Variants in SH2D4B observed in about 807,000 individuals in gnomAD.
SH2D4B encodes SH2 domain-containing protein 4B.
A neutral mutation model predicts 61.5 loss-of-function variants in SH2D4B; 45 were observed. The ratio of observed to expected loss-of-function variants is 0.73; its 90% CI spans 0.58 to 0.94. The LOEUF (loss-of-function observed/expected upper bound fraction) is 0.94, where lower values mean the gene tolerates loss of function less well. SH2D4B is among the 40% of genes least tolerant of loss of function. The pLI is 0.00. For missense variants in SH2D4B, 572 were observed against 574.2 expected, an observed-to-expected ratio of 1.00 and a Z score of 0.04; for synonymous variants, 224 against 220.4, an observed-to-expected ratio of 1.02 and a Z score of -0.14.
At chr10:80,637,294 C>G (rs1348964699) in intron 7 of SH2D4B, among the ~76,000 whole-genome samples, 2 of 152,208 alleles carry the variant, frequency 1.3e-5, no homozygotes, top group African/African-American at 4.8e-5. Flanking sequence ...TCCATATGAA[C>G]TTTAAAGTGG....
chr10:80,639,179 A>G (rs1176200531), intron 7 of SH2D4B, among the ~76,000 whole-genome samples: 1 of 152,054 alleles, frequency 6.6e-6, no homozygotes, highest in African/African-American at 2.4e-5. Context: ...GTTCTTTTAC[A>G]TTTGCTGAGG....
intron 1 of SH2D4B, among the ~76,000 whole-genome samples, chr10:80,549,015 A>G (rs1021795564): frequency 5.3e-5 from 8 of 152,340 alleles, no homozygotes; most frequent in Admixed American, 3.3e-4. Context: ...TGAATGATGT[A>G]AAGATGAGGC....
Position 80,622,798 on chromosome 10 carries a change from T to C in SH2D4B, c.989-11487T>C, listed in dbSNP as rs189623939. Among the ~76,000 whole-genome samples the C allele has an allele frequency of 1.7e-3, 254 of 152,374 alleles. 1 individual carries two copies. The highest frequency in any genetic ancestry group is 5.7e-3 in the African/African-American group (239 of 41,598). ...ATTTCTTCTTTCTCCTGTATAGACA[T>C]TGGTATCATGAAGGTCTTGTGTTAG... On this transcript the variant is annotated intron_variant, in intron 6 of 7. Transcript: ENST00000646907.
intron 1 of SH2D4B, among the ~76,000 whole-genome samples, chr10:80,544,289 G>C (rs563689249): frequency 2.0e-5 from 3 of 152,242 alleles, no homozygotes; most frequent in Admixed American, 2.0e-4. Flanking sequence ...CTTCACTCCT[G>C]AGCCAGCGAG....
At chr10:80,574,720 G>A (rs982867851) in intron 3 of SH2D4B, among the ~76,000 whole-genome samples, 1 of 149,218 alleles carries the variant, frequency 6.7e-6, no homozygotes, top group Admixed American at 6.7e-5. Flanking sequence ...ATTTGTTTGA[G>A]ACGGAGTTTC....
chr10:80,551,665 G>A (rs1589331840), intron 1 of SH2D4B, among the ~76,000 whole-genome samples: 3 of 152,180 alleles, frequency 2.0e-5, no homozygotes, highest in African/African-American at 7.2e-5. Flanking sequence ...AGTTAGGAGA[G>A]TCTAAGAGTA....
At position 80,571,460 on chromosome 10, in the gene SH2D4B, A is replaced by C; in HGVS notation, c.377A>C (p.Lys126Thr). 6.2e-7 allele frequency: 1 copy of C among 1,614,048 alleles called. No homozygotes were observed. The highest frequency in any genetic ancestry group is 8.5e-7 in the Non-Finnish European group (1 of 1,179,882). The change falls in exon 3 of 8, where the codon AAG becomes ACG. Residue 126 changes from lysine to threonine, a missense_variant. By Grantham distance (78) the Lys-to-Thr change is moderately conservative (BLOSUM62 -1). Transcript: ENST00000646907. ...CAGAAGGAGGCAGAGATCACCAAGA[A>C]GTTCCGGGATGCTCTGGCCAATGAG... is the stretch of plus-strand genomic sequence containing the variant. ...WRQKEAEITKKFRDALANEKA... is the reference protein window; with the variant it reads ...WRQKEAEITKTFRDALANEKA...
At chr10:80,607,779 C>CTATT (rs1246428019) in intron 5 of SH2D4B, among the ~76,000 whole-genome samples, 2 of 152,198 alleles carry the variant, frequency 1.3e-5, no homozygotes, top group Non-Finnish European at 2.9e-5. Context: ...AATGCCAGTA[C>CTATT]TATTAGGTGG....
intron 1 of SH2D4B, among the ~76,000 whole-genome samples, chr10:80,560,200 G>A (rs1047685553): frequency 4.6e-5 from 7 of 151,684 alleles, no homozygotes; most frequent in Admixed American, 2.0e-4. Flanking sequence ...TGTTAGCCAG[G>A]ATGGTCTCGA....
intron 7 of SH2D4B, among the ~76,000 whole-genome samples, chr10:80,636,430 C>T (rs1413019427): frequency 6.6e-6 from 1 of 152,178 alleles, no homozygotes; most frequent in Non-Finnish European, 1.5e-5. Context: ...TAAAAGTGTT[C>T]CTATTTCTCC....
At chr10:80,571,128 G>C (rs1347535126) in intron 2 of SH2D4B, among the ~76,000 whole-genome samples, 1 of 152,108 alleles carries the variant, frequency 6.6e-6, no homozygotes. Flanking sequence ...TCCTGCCACT[G>C]CCTCCCAAAA....
chr10:80,624,372 G>T (rs947680183), intron 6 of SH2D4B, among the ~76,000 whole-genome samples: 1 of 152,302 alleles, frequency 6.6e-6, no homozygotes, highest in Non-Finnish European at 1.5e-5. Flanking sequence ...CCCAGCTCTA[G>T]CCTAGAAAAC....
intron 1 of SH2D4B, among the ~76,000 whole-genome samples, chr10:80,563,850 A>G (rs1841936235): frequency 6.6e-6 from 1 of 152,228 alleles, no homozygotes; most frequent in Non-Finnish European, 1.5e-5. Flanking sequence ...CTATCTATAT[A>G]TCATCCTTAG....
chr10:80,586,794 CTT>C (rs1251923669), intron 3 of SH2D4B, among the ~76,000 whole-genome samples: 1 of 152,184 alleles, frequency 6.6e-6, no homozygotes, highest in Non-Finnish European at 1.5e-5. Context: ...GCTGCTCACT[CTT>C]TGGTTCCACG....
chr10:80,595,969 G>A lies in SH2D4B; in HGVS notation c.643+7192G>A, dbSNP rs374031564. The stretch of plus-strand genomic sequence containing the variant: ...TTCCTTGTTACTTGGGTATTGGTGT[G>A]TCCTTGGGCTGGGGAGGGAAATGTG... On this transcript the variant is annotated intron_variant, in intron 4 of 7. Transcript: ENST00000646907. 1.2e-4 allele frequency among the ~76,000 whole-genome samples: 18 copies of A among 152,342 alleles called. No individual in the cohort carries two copies. In the East Asian group the frequency reaches 1.7e-3, roughly 15 times the overall value.
At chr10:80,560,783 G>C (rs1841894195) in intron 1 of SH2D4B, among the ~76,000 whole-genome samples, 1 of 134,274 alleles carries the variant, frequency 7.4e-6, no homozygotes, top group Admixed American at 8.6e-5. Flanking sequence ...TGTTGTTCCT[G>C]AATTCCTGGG....
chr10:80,609,630 A>G, intron 6 of SH2D4B, 79 bp downstream of exon 6: 1 of 1,601,246 alleles, frequency 6.2e-7, no homozygotes, highest in Non-Finnish European at 8.5e-7. Flanking sequence ...GGGGTGCTGA[A>G]GGACAGTTAT....
chr10:80,605,009 G>A (rs978181097), intron 5 of SH2D4B, among the ~76,000 whole-genome samples: 1 of 152,122 alleles, frequency 6.6e-6, no homozygotes, highest in Non-Finnish European at 1.5e-5. Flanking sequence ...TAGCCAGGAT[G>A]GTCTCGATTT....
chr10:80,556,829 A>T (rs940669656), intron 1 of SH2D4B, among the ~76,000 whole-genome samples: 1 of 152,196 alleles, frequency 6.6e-6, no homozygotes, highest in African/African-American at 2.4e-5. Context: ...TAGGTAAATG[A>T]TTATGTCATA....
Sources: allele counts gnomAD v4.1 joint callset (sites outside exome capture counted in the v4.1 genomes callset), GRCh38; gene constraint gnomAD v4.1.1; transcripts MANE v1.5; gene names NCBI Gene and HGNC (gene_info 2026-07-23, HGNC 2026-07-21).